The following CRMP1 variants were observed in gnomAD, a reference collection of about 807,000 sequenced individuals.
CRMP1 encodes dihydropyrimidinase-related protein 1.
CRMP1 carries 19 observed loss-of-function variants against 68.3 expected under a neutral mutation model. That is an observed-to-expected ratio of 0.28 (90% CI 0.19 to 0.41). CRMP1 has a LOEUF of 0.41. Ranked by LOEUF, CRMP1 falls within the 10% of genes least tolerant of loss-of-function variation. CRMP1 has a pLI of 1.00. For synonymous variants in CRMP1, 439 were observed against 399.6 expected (o/e 1.10, Z -1.18); for missense variants, 791 against 967.4 (o/e 0.82, Z 2.42).
rs1051210204 is a variant in CRMP1, at chr4:5,861,438, C to T, written c.471-228G>A. Among the ~76,000 whole-genome samples the T allele has an allele frequency of 2.6e-5, 4 of 152,080 alleles. No homozygotes were observed. The highest frequency in any genetic ancestry group is 1.3e-4 in the Admixed American group (2 of 15,260). ...TAGAGCCCAGTATAGCAGAGATGAT[C>T]GGGGGCACGAGGAGGGGCCCTTTCA... On this transcript the variant is annotated intron_variant, in intron 2 of 13. Coordinates refer to ENST00000324989, the MANE Select transcript of CRMP1 (RefSeq NM_001014809.3). The surrounding 1 kb of genome is among the most constrained non-coding windows in gnomAD (Gnocchi z 6.0).
At chr4:5,839,482 C>A in intron 9 of CRMP1, 40 bp downstream of exon 9, 1 of 1,571,224 alleles carries the variant, frequency 6.4e-7, no homozygotes, top group East Asian at 2.3e-5. Flanking sequence ...TCCAAAGGCC[C>A]CAGCTGCCTC....
chr4:5,840,933 C>G (rs897017060), intron 8 of CRMP1, among the ~76,000 whole-genome samples: 7 of 152,090 alleles, frequency 4.6e-5, no homozygotes, highest in Admixed American at 3.9e-4. Context: ...CACCAATAAC[C>G]TGAGGCTGTG....
In CRMP1 at chr4:5,859,591, C is replaced by G. The variant is rs541901426; in HGVS notation, c.655+1435G>C. 6.6e-6 allele frequency among the ~76,000 whole-genome samples: 1 copy of G among 152,214 alleles called. No homozygotes were observed. Among genetic ancestry groups the G allele is most frequent in the African/African-American group, 2.4e-5 (1 of 41,450 alleles). ...ATGAGGAAGCTGAGGCTCAGAGAGG[C>G]TGAGTGCTGGCCACAGTCATGCAGT... On this transcript the variant is annotated intron_variant, in intron 3 of 13. Transcript: ENST00000324989. This position sits in a 1 kb window ranked among gnomAD's most constrained non-coding sequence, Gnocchi z 5.2.
In CRMP1 at chr4:5,841,270, C is replaced by T; in HGVS notation, c.1153+38G>A. ...ACCTGCAGGACACCCCCTTCCAGGC[C>T]CCAGCTGCCCCCAGAAGGCCCAGGG... is the stretch of plus-strand genomic sequence containing the variant. On this transcript the variant is annotated intron_variant, in intron 8 of 13. Coordinates refer to ENST00000324989, the MANE Select transcript of CRMP1 (RefSeq NM_001014809.3). The surrounding 1 kb of genome is among the most constrained non-coding windows in gnomAD (Gnocchi z 6.9). 1.9e-6 allele frequency: 3 copies of T among 1,613,602 alleles called. No individual in the cohort carries two copies. The highest frequency in any genetic ancestry group is 2.5e-6 in the Non-Finnish European group (3 of 1,179,910).
chr4:5,888,231 G>A lies in CRMP1; in HGVS notation c.381+4358C>T. 7.8e-7 allele frequency: 1 copy of A among 1,278,622 alleles called. No individual in the cohort carries two copies. The highest frequency in any genetic ancestry group is 9.9e-7 in the Non-Finnish European group (1 of 1,006,970). 79.2% of individuals were successfully genotyped at this position (1,278,622 alleles called of 1,614,324 possible). ...GGCGGGGGCGGGGGCCGCTTACCGT[G>A]ATGTGCGGGATGCTCTTCTTGCCCT... is the stretch of plus-strand genomic sequence containing the variant. On this transcript the variant is annotated intron_variant, in intron 1 of 13. Transcript: ENST00000324989. The surrounding 1 kb of genome is among the most constrained non-coding windows in gnomAD (Gnocchi z 6.4).
intron 6 of CRMP1, among the ~76,000 whole-genome samples, chr4:5,846,059 G>A (rs1008747167): frequency 2.0e-5 from 3 of 152,160 alleles, no homozygotes; most frequent in Non-Finnish European, 4.4e-5. Context: ...ACTGTGGGAG[G>A]CCGAGGCGGG....
rs927689867 is a variant in CRMP1 at position 5,843,970 on chromosome 4, T to A, written c.964-809A>T. On this transcript the variant is annotated intron_variant, in intron 6 of 13. Coordinates refer to ENST00000324989, the MANE Select transcript of CRMP1 (RefSeq NM_001014809.3). The surrounding 1 kb of genome is among the most constrained non-coding windows in gnomAD (Gnocchi z 4.1). ...ACACTTTAATTTCTAAAATAAAAAATAAAAAAAAAATTTGACATTGCCCAG... is the reference window on the plus strand; with the variant it reads ...ACACTTTAATTTCTAAAATAAAAAAAAAAAAAAAAATTTGACATTGCCCAG... 6.6e-6 allele frequency among the ~76,000 whole-genome samples: 1 copy of A among 150,480 alleles called. No individual in the cohort carries two copies. The highest frequency in any genetic ancestry group is 2.4e-5 in the African/African-American group (1 of 40,916).
At chr4:5,830,156 A>G (rs1351566604) in intron 11 of CRMP1, among the ~76,000 whole-genome samples, 2 of 152,180 alleles carry the variant, frequency 1.3e-5, no homozygotes, top group Admixed American at 6.5e-5. Flanking sequence ...TTACGGTGTC[A>G]CTGTGTTTTG....
intron 1 of CRMP1, chr4:5,887,444 G>A (rs1664432256): frequency 1.0e-6 from 1 of 985,520 alleles, no homozygotes; most frequent in Non-Finnish European, 1.2e-6. Flanking sequence ...GCTGATGCCA[G>A]GCAGGAACTG....
chr4:5,828,647 C>T lies in CRMP1; in HGVS notation c.1645G>A (p.Glu549Lys). Residue 549 changes from glutamate to lysine, a missense_variant, in exon 12 of 14, where the codon GAG (glutamate) becomes AAG (lysine). Glu to Lys is a moderately conservative substitution (Grantham distance 56). This residue lies in a region of CRMP1 where 594 missense variants were observed against 763.6 expected (regional missense o/e 0.78). Coordinates refer to ENST00000324989, the MANE Select transcript of CRMP1 (RefSeq NM_001014809.3). ...GGGGAGCCGTGGCACTCCATACCCT[C>T]GAAGATGTTGTACTCCACCGCCTGC... The part of the protein sequence containing the change: ...HKSAVEYNIF[E>K]GMECHGSPLV... The T allele has an allele frequency of 1.9e-6, 3 of 1,614,138 alleles. No individual in the cohort carries two copies. The highest frequency in any genetic ancestry group is 1.3e-5 in the African/African-American group (1 of 75,052).
intron 11 of CRMP1, among the ~76,000 whole-genome samples, chr4:5,832,754 A>AG (rs1171971980): frequency 6.6e-6 from 1 of 152,240 alleles, no homozygotes; most frequent in Non-Finnish European, 1.5e-5. Context: ...TTTACCCTGA[A>AG]GACAGTTACC....
chr4:5,845,931 G>T (rs1466741575), intron 6 of CRMP1, among the ~76,000 whole-genome samples: 2 of 152,132 alleles, frequency 1.3e-5, no homozygotes, highest in Non-Finnish European at 2.9e-5. Context: ...ACAGCCCCTT[G>T]TTAAGAACTC....
rs1367331666 is a variant in CRMP1 at position 5,834,088 on chromosome 4, A to G, written c.1623+1827T>C. On this transcript the variant is annotated intron_variant, in intron 11 of 13. Coordinates refer to ENST00000324989, the MANE Select transcript of CRMP1 (RefSeq NM_001014809.3). The surrounding 1 kb of genome is among the most constrained non-coding windows in gnomAD (Gnocchi z 4.3). ...TAGTAAGACAATCCCAGCTCAGTCT[A>G]CTTCCTTCTGGGTCCTTGTCCGCCG... 6.6e-6 allele frequency among the ~76,000 whole-genome samples: 1 copy of G among 152,174 alleles called. No homozygotes were observed. The highest frequency in any genetic ancestry group is 1.5e-5 in the Non-Finnish European group (1 of 68,028).
intron 4 of CRMP1, among the ~76,000 whole-genome samples, chr4:5,851,856 G>GAGGAGC (rs1313602461): frequency 6.7e-6 from 1 of 149,210 alleles, no homozygotes; most frequent in Non-Finnish European, 1.5e-5. Flanking sequence ...GGAGGAGGAA[G>GAGGAGC]AGGAGCAGGA....
chr4:5,822,210 A>T (rs886646109), intron 13 of CRMP1, among the ~76,000 whole-genome samples: 1 of 152,234 alleles, frequency 6.6e-6, no homozygotes, highest in African/African-American at 2.4e-5. Flanking sequence ...GCACACAATC[A>T]TACTATGAAG....
intron 1 of CRMP1, among the ~76,000 whole-genome samples, chr4:5,880,670 C>A (rs183785675): frequency 1.4e-4 from 22 of 152,374 alleles, no homozygotes; most frequent in African/African-American, 4.3e-4. Flanking sequence ...GCCCTCTCCC[C>A]ATTGTCAAAG....
At chr4:5,873,763 G>A (rs1223088216) in intron 1 of CRMP1, among the ~76,000 whole-genome samples, 3 of 152,144 alleles carry the variant, frequency 2.0e-5, no homozygotes, top group African/African-American at 7.2e-5. Flanking sequence ...ACAGAGGTCA[G>A]AAGCAGCCTG....
chr4:5,839,500 C>G, intron 9 of CRMP1, 22 bp downstream of exon 9: 1 of 1,592,186 alleles, frequency 6.3e-7, no homozygotes, highest in Non-Finnish European at 8.6e-7. Context: ...CTCCCCCAGC[C>G]CCACGTTCTC....
chr4:5,888,239 G>A lies in CRMP1; in HGVS notation c.381+4350C>T. On this transcript the variant is annotated intron_variant, in intron 1 of 13. Transcript: ENST00000324989. This position sits in a 1 kb window ranked among gnomAD's most constrained non-coding sequence, Gnocchi z 6.4. ...CGGGGGCCGCTTACCGTGATGTGCG[G>A]GATGCTCTTCTTGCCCTGGTACGAC... 1 of 1,287,626 alleles carries A rather than the reference G, an allele frequency of 7.8e-7. No homozygotes were observed. The highest frequency in any genetic ancestry group is 9.9e-7 in the Non-Finnish European group (1 of 1,011,658). The allele number at this position is 1,287,626 out of a possible 1,614,324, so 79.8% of individuals were successfully genotyped here.
Sources: gnomAD v4.1 joint callset for allele counts (sites outside exome capture counted in the v4.1 genomes callset) on GRCh38, gnomAD v4.1.1 for gene constraint, gnomAD v4.1.1 regional missense constraint, Gnocchi (gnomAD v3.1) non-coding constraint, MANE v1.5 for transcripts, NCBI Gene and HGNC (gene_info 2026-07-23, HGNC 2026-07-21) for gene names.